Variants in NCAPD3 observed in about 807,000 individuals in gnomAD.
NCAPD3 encodes the protein non-SMC condensin II complex subunit D3.
A neutral mutation model predicts 182.9 loss-of-function variants in NCAPD3; 105 were observed. The observed-to-expected ratio is 0.57, with a 90% confidence interval of 0.49 to 0.68. The LOEUF is 0.68. Ranked by LOEUF, NCAPD3 falls within the 30% of genes least tolerant of loss-of-function variation. The probability of loss-of-function intolerance (pLI) is 0.00; values close to 1 mark genes in which losing one functional copy is unlikely to be tolerated. For missense variants in NCAPD3, 1,944 were observed against 1,837.0 expected, an observed-to-expected ratio of 1.06 and a Z score of -1.07; for synonymous variants, 815 against 679.9, an observed-to-expected ratio of 1.20 and a Z score of -3.09.
rs1944229956 is a variant in NCAPD3 at position 134,178,834 on chromosome 11, C to A, written c.2662G>T (p.Asp888Tyr). 1 of 1,614,146 alleles carries A rather than the reference C, an allele frequency of 6.2e-7. No individual in the cohort carries two copies. Among genetic ancestry groups the A allele is most frequent in the Non-Finnish European group, 8.5e-7 (1 of 1,179,974 alleles). Residue 888 changes from aspartate (D) to tyrosine (Y), a missense_variant, in exon 21 of 35, where the codon GAT becomes TAT. Physicochemically the swap from Asp to Tyr is radical, Grantham distance 160. This residue lies in a region of NCAPD3 where 1,803 missense variants were observed against 1,674.6 expected (regional missense o/e 1.08). Transcript: ENST00000534548. ...LIQSVLASSA[D>Y]ADHSPSSQGS... ...TCAAATGCCTTACAGTGGTCAGCAT[C>A]AGCAGACGAAGCCAGGACGGACTGA...
rs139987128 is a variant in NCAPD3, at chr11:134,185,458, T to G, written c.2114A>C (p.Asn705Thr). 7 of 1,613,794 alleles carry G rather than the reference T, an allele frequency of 4.3e-6. No individual in the cohort carries two copies. Among genetic ancestry groups the G allele is most frequent in the Non-Finnish European group, 5.9e-6 (7 of 1,179,814 alleles). Residue 705 changes from asparagine to threonine, a missense_variant, in exon 17 of 35, where the codon AAT becomes ACT. Around this residue, in one of 3 missense-constraint regions of NCAPD3, gnomAD observed 1,803 missense variants for 1,674.6 expected, o/e 1.08. Transcript: ENST00000534548. ...KEKFSPTFIN[N>T]VISHTGTEHS... ...TTCCGTGCCAGTGTGAGATATTACATTGTTTATAAAAGTGGGTGAGAATTT... is the reference window on the plus strand; with the variant it reads ...TTCCGTGCCAGTGTGAGATATTACAGTGTTTATAAAAGTGGGTGAGAATTT...
chr11:134,217,183 G>T, intron 2 of NCAPD3, 85 bp from the exon 3 acceptor site: 1 of 1,308,552 alleles, frequency 7.6e-7, no homozygotes, highest in East Asian at 2.6e-5. Context: ...AGTTCTTGGT[G>T]CCTTACAAAA....
chr11:134,218,760 C>T (rs1339610656), intron 2 of NCAPD3, among the ~76,000 whole-genome samples: 1 of 152,148 alleles, frequency 6.6e-6, no homozygotes, highest in East Asian at 1.9e-4. Flanking sequence ...TTTTAGTCTT[C>T]CTTTCCAGTT....
intron 20 of NCAPD3, among the ~76,000 whole-genome samples, 184 bp downstream of exon 20, chr11:134,180,893 T>C (rs926687513): frequency 2.0e-5 from 3 of 151,964 alleles, no homozygotes; most frequent in Admixed American, 1.3e-4. Context: ...CGATAAAAAG[T>C]ATATAAGAAA....
In NCAPD3 at chr11:134,209,302, T is replaced by C; in HGVS notation, c.732+11A>G. On this transcript the variant is annotated intron_variant, in intron 5 of 34. Transcript: ENST00000534548. ...TGAAGTTGCCCTAAGGTTCCTGGAA[T>C]TTTCACTTACCTCTATACAATTCTG... The C allele has an allele frequency of 6.2e-7, 1 of 1,609,740 alleles. No individual in the cohort carries two copies. Among genetic ancestry groups the C allele is most frequent in the Non-Finnish European group, 8.5e-7 (1 of 1,178,696 alleles).
chr11:134,197,874 A>C lies in NCAPD3; in HGVS notation c.1616-3136T>G, dbSNP rs149630269. Among the ~76,000 whole-genome samples the C allele has an allele frequency of 5.7e-3, 862 of 152,340 alleles. 5 individuals are homozygous for C. Among genetic ancestry groups the C allele is most frequent in the African/African-American group, 0.02 (811 of 41,564 alleles). ...AACTCAGCAAGCTTGAAATGGAAGGAAACTTCCTCATATTGATGAAAGTCA... is the reference window on the plus strand; with the variant it reads ...AACTCAGCAAGCTTGAAATGGAAGGCAACTTCCTCATATTGATGAAAGTCA... On this transcript the variant is annotated intron_variant, in intron 13 of 34. Transcript: ENST00000534548.
chr11:134,164,171 G>A (rs561699997), intron 27 of NCAPD3, among the ~76,000 whole-genome samples: 106 of 152,300 alleles, frequency 7.0e-4, no homozygotes, highest in Non-Finnish European at 9.1e-4. Flanking sequence ...AGAGGCCTGT[G>A]GCAGCCAAGC....
At chr11:134,166,787 ACT>A (rs528213522) in intron 27 of NCAPD3, among the ~76,000 whole-genome samples, 73 of 112,622 alleles carry the variant, frequency 6.5e-4, no homozygotes, top group Admixed American at 8.1e-4. Flanking sequence ...GGAGGCGCAC[ACT>A]CGTGAGAGGA....
chr11:134,194,297 T>C (rs1027672140), intron 14 of NCAPD3, 147 bp from the exon 15 acceptor site: 4 of 768,054 alleles, frequency 5.2e-6, no homozygotes, highest in South Asian at 4.9e-5. Context: ...CAACATCCCA[T>C]TTTTCAGAAT....
At chr11:134,165,889 TGGG>T (rs1361415764) in intron 27 of NCAPD3, among the ~76,000 whole-genome samples, 11 of 101,138 alleles carry the variant, frequency 1.1e-4, no homozygotes, top group South Asian at 3.5e-4. Context: ...GAGATGAGCT[TGGG>T]GGAGGGGCAC....
rs199853017 is a variant in NCAPD3 at position 134,184,622 on chromosome 11, A to G, written c.2451+15T>C. 106 of 1,560,934 alleles carry G rather than the reference A, an allele frequency of 6.8e-5. No homozygotes were observed. Among genetic ancestry groups the G allele is most frequent in the Middle Eastern group, 1.9e-4 (1 of 5,284 alleles). On this transcript the variant is annotated intron_variant, in intron 19 of 34. Transcript: ENST00000534548. ...CAAAGAAGTCAGAAACATGTCAGGG[A>G]AAGTCTGGCCATACCTGCTCCTCTG...
intron 27 of NCAPD3, among the ~76,000 whole-genome samples, chr11:134,167,413 A>G (rs1374150505): frequency 9.3e-6 from 1 of 107,746 alleles, no homozygotes; most frequent in African/African-American, 3.8e-5. Flanking sequence ...CTCACTTGTG[A>G]GATGAGCTTG....
At chr11:134,195,535 T>C (rs1007097708) in intron 13 of NCAPD3, among the ~76,000 whole-genome samples, 5 of 150,028 alleles carry the variant, frequency 3.3e-5, no homozygotes, top group African/African-American at 1.3e-4. Flanking sequence ...GATATGTTAC[T>C]GTTAGTACTT....
intron 1 of NCAPD3, chr11:134,223,580 A>G (rs1052688457): frequency 1.5e-6 from 1 of 679,576 alleles, no homozygotes; most frequent in Non-Finnish European, 2.7e-6. Flanking sequence ...GCACGAAGAC[A>G]CGCACAGGAA....
rs1027698143 is a variant in NCAPD3, at chr11:134,161,762, G to C, written c.3684+19C>G. On this transcript the variant is annotated intron_variant, in intron 28 of 34. Coordinates refer to ENST00000534548, the MANE Select transcript of NCAPD3 (RefSeq NM_015261.3). ...AACTGGTAGGACAACAACCACAAAA[G>C]CACAGGCTCCACCCTTACCCTGAGA... 2.8e-6 allele frequency: 4 copies of C among 1,424,326 alleles called. No individual in the cohort carries two copies. Among genetic ancestry groups the C allele is most frequent in the Non-Finnish European group, 3.9e-6 (4 of 1,015,174 alleles). 88.2% of individuals were successfully genotyped at this position (1,424,326 alleles called of 1,614,324 possible). A position where few individuals can be genotyped will look rare whatever the true frequency, so the allele number is the denominator to read the frequency against.
intron 14 of NCAPD3, among the ~76,000 whole-genome samples, chr11:134,194,442 T>A (rs1944585184): frequency 6.6e-6 from 1 of 152,212 alleles, no homozygotes; most frequent in African/African-American, 2.4e-5. Context: ...ATTCAGGATA[T>A]AAATTTGTGG....
chr11:134,185,473 G>A lies in NCAPD3; in HGVS notation c.2099C>T (p.Pro700Leu). The change falls in exon 17 of 35, where the codon CCC becomes CTC. Residue 700 changes from proline to leucine, a missense_variant. Coordinates refer to ENST00000534548, the MANE Select transcript of NCAPD3 (RefSeq NM_015261.3). Reference sequence around the variant, plus strand: ...AGATATTACATTGTTTATAAAAGTGGGTGAGAATTTTTCTTTCTTGGACCA... The same window carrying A: ...AGATATTACATTGTTTATAAAAGTGAGTGAGAATTTTTCTTTCTTGGACCA... ...HIWSKKEKFS[P>L]TFINNVISHT... 3 of 1,611,874 alleles carry A rather than the reference G, an allele frequency of 1.9e-6. No individual in the cohort carries two copies. Among genetic ancestry groups the A allele is most frequent in the Non-Finnish European group, 2.5e-6 (3 of 1,178,978 alleles).
intron 2 of NCAPD3, among the ~76,000 whole-genome samples, chr11:134,218,722 T>C (rs1938118486): frequency 6.6e-6 from 1 of 152,190 alleles, no homozygotes; most frequent in Non-Finnish European, 1.5e-5. Context: ...AAGGCCCTAT[T>C]AATTCTAATT....
At chr11:134,156,100 G>A (rs1015873171) in intron 32 of NCAPD3, among the ~76,000 whole-genome samples, 11 of 152,228 alleles carry the variant, frequency 7.2e-5, no homozygotes, top group Admixed American at 7.2e-4. Flanking sequence ...TTCCCCTGCA[G>A]TCAGGACTAG....
Sources: allele counts gnomAD v4.1 joint callset (sites outside exome capture counted in the v4.1 genomes callset), GRCh38; gene constraint gnomAD v4.1.1; regional missense constraint gnomAD v4.1.1; transcripts MANE v1.5; gene names NCBI Gene and HGNC (gene_info 2026-07-23, HGNC 2026-07-21).